Variants in ZNF254 observed in about 807,000 individuals in gnomAD.
ZNF254 encodes the protein CTD-2017D11.1.
Under a neutral mutation model 12.4 loss-of-function variants are expected in ZNF254, and 10 were observed. The ratio of observed to expected loss-of-function variants is 0.80; its 90% confidence interval spans 0.50 to 1.36. ZNF254 has a LOEUF of 1.36. Ranked by LOEUF, ZNF254 falls within the 40% of genes most tolerant of loss-of-function variation. The pLI is 0.00. For missense variants in ZNF254, 996 were observed against 763.9 expected (o/e 1.30, Z -3.58); for synonymous variants, 305 against 253.4 (o/e 1.20, Z -1.93).
chr19:24,067,227 AC>A (rs1222726724), intron 2 of ZNF254, among the ~76,000 whole-genome samples: 1 of 151,340 alleles, frequency 6.6e-6, no homozygotes, highest in Non-Finnish European at 1.5e-5. Flanking sequence ...TCTTATCTTC[AC>A]TTTGTCCATA....
At chr19:24,072,854 T>C (rs897075972) in intron 2 of ZNF254, among the ~76,000 whole-genome samples, 1 of 152,100 alleles carries the variant, frequency 6.6e-6, no homozygotes, top group Non-Finnish European at 1.5e-5. Flanking sequence ...CCTGGAAAAA[T>C]TGTGACATAT....
At chr19:24,126,148 C>T in intron 3 of ZNF254, 106 bp from the exon 4 acceptor site, 1 of 731,994 alleles carries the variant, frequency 1.4e-6, no homozygotes, top group Non-Finnish European at 2.0e-6. Flanking sequence ...TTTTGCAATG[C>T]TATCTTGTCT....
intron 1 of ZNF254, among the ~76,000 whole-genome samples, chr19:24,044,748 T>TTGAGAGA (rs1433077749): frequency 6.6e-6 from 1 of 152,144 alleles, no homozygotes. Context: ...TCAGAACCAG[T>TTGAGAGA]TGTCTTAACT....
At chr19:24,036,746 A>T (rs527325745) in intron 1 of ZNF254, among the ~76,000 whole-genome samples, 1 of 152,148 alleles carries the variant, frequency 6.6e-6, no homozygotes, top group Non-Finnish European at 1.5e-5. Context: ...GTGATTCCAG[A>T]TCTCTTCCCA....
chr19:24,119,201 AT>A (rs1056297234), intron 3 of ZNF254, among the ~76,000 whole-genome samples: 1 of 151,624 alleles, frequency 6.6e-6, no homozygotes, highest in South Asian at 2.1e-4. Flanking sequence ...TGTATTTTTT[AT>A]TTTTTTTGAG....
At chr19:24,060,686 C>T (rs937473504) in intron 2 of ZNF254, among the ~76,000 whole-genome samples, 1 of 152,186 alleles carries the variant, frequency 6.6e-6, no homozygotes, top group Non-Finnish European at 1.5e-5. Flanking sequence ...ATTATCCCAG[C>T]CCACATGGCT....
chr19:24,036,843 C>T (rs1465719891), intron 1 of ZNF254, among the ~76,000 whole-genome samples: 1 of 152,156 alleles, frequency 6.6e-6, no homozygotes, highest in Non-Finnish European at 1.5e-5. Flanking sequence ...TGATTTCCGC[C>T]TACTAATGAA....
chr19:24,068,098 C>T (rs899446419), intron 2 of ZNF254, among the ~76,000 whole-genome samples: 8 of 152,178 alleles, frequency 5.3e-5, no homozygotes, highest in South Asian at 2.1e-4. Flanking sequence ...CAGATGGCCT[C>T]GTGACATATT....
chr19:24,127,848 C>A lies in ZNF254; in HGVS notation c.1848C>A (p.Thr616=), dbSNP rs771292938. 3 of 1,613,080 alleles carry A rather than the reference C, an allele frequency of 1.9e-6. No homozygotes were observed. The highest frequency in any genetic ancestry group is 1.7e-6 in the Non-Finnish European group (2 of 1,179,678). ...ECGKAFFWSS[T]LTKHKRIHTG... ...GCAAAGCATTTTTCTGGTCCTCAACCCTAACTAAACATAAGAGAATTCATA... is the reference window on the plus strand; with the variant it reads ...GCAAAGCATTTTTCTGGTCCTCAACACTAACTAAACATAAGAGAATTCATA... Residue 616 remains threonine (T), a synonymous_variant, in exon 4 of 4, where the codon ACC becomes ACA. Transcript: ENST00000357002.
At chr19:24,108,909 A>G (rs1210887624) in intron 3 of ZNF254, among the ~76,000 whole-genome samples, 4 of 152,208 alleles carry the variant, frequency 2.6e-5, no homozygotes, top group African/African-American at 9.6e-5. Context: ...TAATCCCTGC[A>G]CTTTGGGAGG....
Position 24,094,294 on chromosome 19 carries a change from T to C in ZNF254, c.30+6957T>C, listed in dbSNP as rs528169623. ...TTTTTATTTTTTTGAGATGGAGTCT[T>C]GCTCTTCGCCCAGGCTGGAGTGAAG... On this transcript the variant is annotated intron_variant, in intron 1 of 3. Transcript: ENST00000357002. Among the ~76,000 whole-genome samples the C allele has an allele frequency of 3.3e-5, 5 of 152,368 alleles. No homozygotes were observed. The South Asian group carries it at 1.0e-3, about 32-fold the overall frequency.
intron 3 of ZNF254, among the ~76,000 whole-genome samples, chr19:24,121,618 C>T (rs906328082): frequency 2.0e-5 from 3 of 152,004 alleles, no homozygotes; most frequent in African/African-American, 7.3e-5. Flanking sequence ...AGTGCAGTGG[C>T]ACGATCTTGG....
intron 1 of ZNF254, among the ~76,000 whole-genome samples, chr19:24,092,204 G>T (rs1274998980): frequency 9.1e-5 from 13 of 142,602 alleles, no homozygotes; most frequent in Admixed American, 8.0e-4. Context: ...TTTTGATGTT[G>T]TTGCCCTGAG....
chr19:24,057,584 C>A (rs2145371533), intron 2 of ZNF254, among the ~76,000 whole-genome samples: 1 of 152,330 alleles, frequency 6.6e-6, no homozygotes, highest in South Asian at 2.1e-4. Flanking sequence ...CTCAGGCACA[C>A]CCAGCCGACA....
intron 1 of ZNF254, among the ~76,000 whole-genome samples, chr19:24,096,133 C>CA (rs1360309014): frequency 2.0e-5 from 3 of 149,854 alleles, no homozygotes; most frequent in Admixed American, 6.7e-5. Context: ...AGTCTCAACT[C>CA]ACAGCAACCT....
intron 2 of ZNF254, among the ~76,000 whole-genome samples, chr19:24,069,326 G>C (rs1971394078): frequency 6.9e-6 from 1 of 145,362 alleles, no homozygotes; most frequent in Non-Finnish European, 1.5e-5. Context: ...TTTCTTAAAA[G>C]AACATCCTGG....
chr19:24,117,957 T>G (rs1023314201), intron 3 of ZNF254, among the ~76,000 whole-genome samples: 13 of 152,114 alleles, frequency 8.5e-5, no homozygotes, highest in African/African-American at 3.1e-4. Flanking sequence ...ATTTGATAAT[T>G]TTATTTTTAG....
At chr19:24,033,518 C>G (rs1230386764) in exon 1 of ZNF254, 1 of 223,706 alleles carries the variant, frequency 4.5e-6, no homozygotes, top group African/African-American at 2.4e-5. Context: ...TTCTCCACCT[C>G]GGGAGCCCCT....
At chr19:24,069,669 G>A (rs1971412003) in intron 2 of ZNF254, among the ~76,000 whole-genome samples, 1 of 146,572 alleles carries the variant, frequency 6.8e-6, no homozygotes, top group Admixed American at 6.9e-5. Flanking sequence ...TGTAATCTCA[G>A]CACTTTGGGA....
Sources: gnomAD v4.1 joint callset for allele counts (sites outside exome capture counted in the v4.1 genomes callset) on GRCh38, gnomAD v4.1.1 for gene constraint, MANE v1.5 for transcripts, NCBI Gene and HGNC (gene_info 2026-07-23, HGNC 2026-07-21) for gene names.